FBN2: variants seen among roughly 807,000 people sequenced by gnomAD.
The protein encoded by FBN2 is fibrillin 2, also known as fibrillin-2.
In FBN2, 105 loss-of-function variants were observed where a neutral mutation model predicts 355.6. That is an observed-to-expected ratio of 0.30 (90% CI 0.25 to 0.35). The LOEUF is 0.35. FBN2 is among the 10% of genes least tolerant of loss of function. The pLI is 1.00. For missense variants in FBN2, 3,280 were observed against 3,758.7 expected (o/e 0.87, Z 3.33); for synonymous variants, 1,350 against 1,301.2 (o/e 1.04, Z -0.81).
At chr5:128,339,430 T>C (rs958928318) in intron 25 of FBN2, among the ~76,000 whole-genome samples, 1 of 151,426 alleles carries the variant, frequency 6.6e-6, no homozygotes, top group East Asian at 2.0e-4. Flanking sequence ...GCCTGGGCAA[T>C]GTAGGGAGAC....
chr5:128,437,819 T>TAGACAGAC (rs71575718), intron 7 of FBN2, among the ~76,000 whole-genome samples: 392 of 108,072 alleles, frequency 3.6e-3, no homozygotes, highest in African/African-American at 0.011. Context: ...GATAGATAGA[T>TAGACAGAC]AGACAGACAG....
At chr5:128,404,410 T>C (rs998562682) in intron 8 of FBN2, among the ~76,000 whole-genome samples, 1 of 152,208 alleles carries the variant, frequency 6.6e-6, no homozygotes, top group African/African-American at 2.4e-5. Flanking sequence ...GTGTTCAGGA[T>C]GTTGATAGTG....
intron 6 of FBN2, among the ~76,000 whole-genome samples, chr5:128,447,626 C>A (rs1754104213): frequency 6.6e-6 from 1 of 152,170 alleles, no homozygotes; most frequent in Non-Finnish European, 1.5e-5. Flanking sequence ...TGCGATCTTG[C>A]CCTGCCTCCA....
At chr5:128,263,800 C>G in intron 62 of FBN2, 144 bp from the exon 63 acceptor site, 8 of 636,954 alleles carry the variant, frequency 1.3e-5, no homozygotes, top group Non-Finnish European at 2.2e-5. Flanking sequence ...GACTGATTTG[C>G]AAAGCACGTG....
At chr5:128,390,906 A>G (rs1159510423) in intron 11 of FBN2, among the ~76,000 whole-genome samples, 1 of 152,194 alleles carries the variant, frequency 6.6e-6, no homozygotes, top group African/African-American at 2.4e-5. Flanking sequence ...TGTATGCTTG[A>G]TTGTTTCTCA....
chr5:128,275,660 C>A (rs1765376321), intron 59 of FBN2, among the ~76,000 whole-genome samples: 1 of 152,074 alleles, frequency 6.6e-6, no homozygotes, highest in Admixed American at 6.6e-5. Flanking sequence ...ATTTACCTAT[C>A]CATTTTCACT....
chr5:128,295,870 T>C (rs1199099302), intron 48 of FBN2, among the ~76,000 whole-genome samples: 1 of 140,060 alleles, frequency 7.1e-6, no homozygotes, highest in Non-Finnish European at 1.5e-5. Context: ...CTTCCAACAC[T>C]ATGTTGAATA....
chr5:128,293,872 A>G (rs896130820), intron 48 of FBN2, among the ~76,000 whole-genome samples: 12 of 152,034 alleles, frequency 7.9e-5, no homozygotes, highest in African/African-American at 2.7e-4. Context: ...GTTTTAGGGT[A>G]CATGTGCACA....
At chr5:128,482,894 G>A (rs759488978) in intron 5 of FBN2, among the ~76,000 whole-genome samples, 7 of 151,978 alleles carry the variant, frequency 4.6e-5, no homozygotes, top group Non-Finnish European at 7.4e-5. Context: ...TAAAATATAC[G>A]AACAAGGTCA....
At chr5:128,531,427 T>C (rs538234924) in intron 2 of FBN2, among the ~76,000 whole-genome samples, 40 of 151,484 alleles carry the variant, frequency 2.6e-4, no homozygotes, top group Admixed American at 7.9e-4. Flanking sequence ...TGGGAGGAGG[T>C]GAGGGATAAA....
At chr5:128,518,308 T>C (rs187828537) in intron 5 of FBN2, among the ~76,000 whole-genome samples, 1 of 152,290 alleles carries the variant, frequency 6.6e-6, no homozygotes, top group East Asian at 1.9e-4. Flanking sequence ...ATATAGGTCA[T>C]GAGTTTAACT....
chr5:128,433,723 C>T (rs1008241943), intron 7 of FBN2, among the ~76,000 whole-genome samples: 3 of 152,140 alleles, frequency 2.0e-5, no homozygotes, highest in East Asian at 3.9e-4. Flanking sequence ...TTTCCTCTGC[C>T]GTTCACCAAA....
At chr5:128,338,625 C>T (rs1750909636) in intron 26 of FBN2, among the ~76,000 whole-genome samples, 1 of 152,136 alleles carries the variant, frequency 6.6e-6, no homozygotes, top group African/African-American at 2.4e-5. Context: ...AATCTTGGGG[C>T]CACCACACGA....
chr5:128,421,551 T>C (rs995273045), intron 7 of FBN2, among the ~76,000 whole-genome samples: 15 of 152,308 alleles, frequency 9.8e-5, no homozygotes, highest in Admixed American at 6.5e-4. Context: ...AATTGTTGAC[T>C]GTCTAGAGTA....
At chr5:128,307,731 T>C (rs978695135) in intron 41 of FBN2, among the ~76,000 whole-genome samples, 2 of 151,618 alleles carry the variant, frequency 1.3e-5, no homozygotes, top group African/African-American at 4.8e-5. Context: ...AAACAATGCA[T>C]TATGAAATAA....
chr5:128,521,573 A>G (rs1474466637), intron 4 of FBN2, among the ~76,000 whole-genome samples: 1 of 152,224 alleles, frequency 6.6e-6, no homozygotes, highest in Non-Finnish European at 1.5e-5. Context: ...ATTGTTAAAA[A>G]GATGCACTGC....
intron 33 of FBN2, among the ~76,000 whole-genome samples, chr5:128,329,187 T>C (rs1201455227): frequency 6.6e-6 from 1 of 152,204 alleles, no homozygotes; most frequent in Admixed American, 6.5e-5. Flanking sequence ...AAAATGGTGA[T>C]CATTCTTTGA....
intron 6 of FBN2, among the ~76,000 whole-genome samples, chr5:128,455,994 A>AAAAAAAAAAAAAAAC (rs1754378283): frequency 8.0e-6 from 1 of 124,706 alleles, no homozygotes; most frequent in African/African-American, 3.3e-5. Flanking sequence ...TAGCAACAAA[A>AAAAAAAAAAAAAAAC]AAAAAAAAAA....
At chr5:128,520,793 A>G (rs773901765) in intron 4 of FBN2, among the ~76,000 whole-genome samples, 2 of 152,166 alleles carry the variant, frequency 1.3e-5, no homozygotes, top group Non-Finnish European at 2.9e-5. Flanking sequence ...GTCTCTGCAC[A>G]AGTACAGCTC....
Sources: allele counts gnomAD v4.1 joint callset (sites outside exome capture counted in the v4.1 genomes callset), GRCh38; gene constraint gnomAD v4.1.1; transcripts MANE v1.5; gene names NCBI Gene and HGNC (gene_info 2026-07-23, HGNC 2026-07-21).